The following CELF1 variants were observed in gnomAD, a reference collection of about 807,000 sequenced individuals.
CELF1 encodes 50 kDa nuclear polyadenylated RNA-binding protein.
Under a neutral mutation model 61.8 loss-of-function variants are expected in CELF1, and 10 were observed. That is an observed-to-expected ratio of 0.16 (90% CI 0.10 to 0.27). The LOEUF (loss-of-function observed/expected upper bound fraction) is 0.27. CELF1 is among the 10% of genes least tolerant of loss of function. The pLI is 1.00. For synonymous variants in CELF1, 236 were observed against 225.1 expected (o/e 1.05, Z -0.43); for missense variants, 380 against 639.1 (o/e 0.59, Z 4.37).
upstream of CELF1, among the ~76,000 whole-genome samples, chr11:47,553,654 A>G (rs535035532): frequency 3.0e-4 from 46 of 152,270 alleles, 1 homozygote; most frequent in South Asian, 9.3e-3. Context: ...TGGGATGTGA[A>G]TATGTGTGTT....
intron 3 of CELF1, among the ~76,000 whole-genome samples, chr11:47,489,621 A>G (rs1455586160): frequency 6.6e-6 from 1 of 152,180 alleles, no homozygotes; most frequent in Non-Finnish European, 1.5e-5. Flanking sequence ...TCCACCTCTT[A>G]TATTTCCAGA....
intron 2 of CELF1, 57 bp downstream of exon 2, chr11:47,500,804 G>A (rs2093801593): frequency 2.5e-6 from 1 of 397,936 alleles, no homozygotes; most frequent in Non-Finnish European, 4.4e-6. Flanking sequence ...TGTTATCTCT[G>A]AAGGCTCCCA....
chr11:47,509,619 A>AAG (rs2094892726), intron 1 of CELF1, among the ~76,000 whole-genome samples: 1 of 152,144 alleles, frequency 6.6e-6, no homozygotes. Flanking sequence ...AACAGCCAGG[A>AAG]GTGGTTCATG....
At chr11:47,556,564 AGATAAATATAGAGGAAAT>A (rs1757754801), upstream of CELF1, among the ~76,000 whole-genome samples, 1 of 152,192 alleles carries the variant, frequency 6.6e-6, no homozygotes. Flanking sequence ...ATATAATAAT[AGATAAATATAGAGGAAAT>A]GATGATAGCC....
chr11:47,557,403 A>T (rs1355724591), upstream of CELF1: 1 of 147,938 alleles, frequency 6.8e-6, no homozygotes, highest in African/African-American at 2.5e-5. Flanking sequence ...TATTTTTAGT[A>T]GAGACGGGTT....
At chr11:47,530,362 C>T (rs1293309647) in intron 1 of CELF1, among the ~76,000 whole-genome samples, 1 of 152,118 alleles carries the variant, frequency 6.6e-6, no homozygotes, top group Non-Finnish European at 1.5e-5. Context: ...CTGAACATGG[C>T]TCTCTCCCAC....
chr11:47,475,712 A>T (rs1478163432), intron 12 of CELF1, among the ~76,000 whole-genome samples, 191 bp from the exon 13 acceptor site: 1 of 152,152 alleles, frequency 6.6e-6, no homozygotes, highest in African/African-American at 2.4e-5. Flanking sequence ...GCTAATGGGG[A>T]CATTAAGAAA....
chr11:47,494,168 C>T (rs1427826320), intron 3 of CELF1, among the ~76,000 whole-genome samples: 1 of 152,184 alleles, frequency 6.6e-6, no homozygotes, highest in Non-Finnish European at 1.5e-5. Flanking sequence ...GTACTGCCAG[C>T]CCTGACCTGG....
In CELF1 at chr11:47,564,683, C is replaced by T. The variant is rs1048816344; in HGVS notation, c.-129-214G>A. On this transcript the variant is annotated intron_variant, in intron 1 of 3. Coordinates refer to the CELF1 transcript ENST00000525841. ...GCATGCACCTGTAATCCCAGCTACTCAGGAGGCTGAGGCAGGAGAATCGTT... is the reference window on the plus strand; with the variant it reads ...GCATGCACCTGTAATCCCAGCTACTTAGGAGGCTGAGGCAGGAGAATCGTT... Among the ~76,000 whole-genome samples, 10 of 151,930 alleles carry T rather than the reference C, an allele frequency of 6.6e-5. No homozygotes were observed. The South Asian group carries it at 8.3e-4, about 13-fold the overall frequency.
At chr11:47,548,641 G>A (rs112446739) in intron 1 of CELF1, among the ~76,000 whole-genome samples, 6 of 152,018 alleles carry the variant, frequency 3.9e-5, no homozygotes, top group African/African-American at 9.6e-5. Context: ...CGAGGCGGGC[G>A]GATCACCTGA....
chr11:47,518,594 T>A (rs1018766030), intron 1 of CELF1, among the ~76,000 whole-genome samples: 3 of 152,346 alleles, frequency 2.0e-5, no homozygotes, highest in Admixed American at 6.5e-5. Flanking sequence ...TTTCTCACAC[T>A]GTAATATCTT....
At chr11:47,488,522 T>C (rs2089148894) in intron 4 of CELF1, among the ~76,000 whole-genome samples, 1 of 152,192 alleles carries the variant, frequency 6.6e-6, no homozygotes, top group Non-Finnish European at 1.5e-5. Context: ...GACACTCACG[T>C]GAGTCTGTCT....
chr11:47,535,679 C>CAAAA (rs111271894), intron 1 of CELF1, among the ~76,000 whole-genome samples: 1 of 95,032 alleles, frequency 1.1e-5, no homozygotes. Context: ...AACCCCATCT[C>CAAAA]AAAAAAAAAA....
intron 1 of CELF1, among the ~76,000 whole-genome samples, chr11:47,526,420 G>C (rs185983709): frequency 1.3e-5 from 2 of 152,342 alleles, no homozygotes; most frequent in East Asian, 3.9e-4. Flanking sequence ...GAAACTCTGA[G>C]TGTGGTTTCA....
Position 47,469,555 on chromosome 11 carries a change from C to T in CELF1, c.*2675G>A, listed in dbSNP as rs1042527140. 5 of 152,308 alleles carry T rather than the reference C, an allele frequency of 3.3e-5. No individual in the cohort carries two copies. The highest frequency in any genetic ancestry group is 9.7e-5 in the African/African-American group (4 of 41,450). The allele number at this position is 152,308 out of a possible 1,614,324, so 9.4% of individuals were successfully genotyped here. ...GAGCTGAGCCCTTTCACACGTGAGACTTGTAGGGGAGCAGCTTCTTCACAA... is the reference window on the plus strand; with the variant it reads ...GAGCTGAGCCCTTTCACACGTGAGATTTGTAGGGGAGCAGCTTCTTCACAA... On this transcript the variant is annotated 3_prime_UTR_variant, in exon 15 of 15. Coordinates refer to ENST00000687097, the MANE Select transcript of CELF1 (RefSeq NM_001376376.1).
At chr11:47,531,599 G>A (rs2096479028) in intron 1 of CELF1, among the ~76,000 whole-genome samples, 1 of 149,894 alleles carries the variant, frequency 6.7e-6, no homozygotes, top group South Asian at 2.1e-4. Flanking sequence ...AGTAAGACCC[G>A]AAATATTATT....
intron 2 of CELF1, among the ~76,000 whole-genome samples, chr11:47,561,998 A>G (rs948675581): frequency 3.3e-5 from 5 of 151,940 alleles, no homozygotes; most frequent in African/African-American, 1.2e-4. Flanking sequence ...AGGCCGAGGC[A>G]GGCTGATCAC....
At chr11:47,551,090 G>A (rs2097126567) in intron 1 of CELF1, among the ~76,000 whole-genome samples, 1 of 151,350 alleles carries the variant, frequency 6.6e-6, no homozygotes, top group African/African-American at 2.4e-5. Context: ...AATTTCTAGG[G>A]CCCTCAGTTT....
At chr11:47,511,457 T>G (rs1258145382) in intron 1 of CELF1, among the ~76,000 whole-genome samples, 1 of 152,244 alleles carries the variant, frequency 6.6e-6, no homozygotes, top group African/African-American at 2.4e-5. Context: ...CAATAAATTT[T>G]TCTATCTTTA....
Sources: allele counts gnomAD v4.1 joint callset (sites outside exome capture counted in the v4.1 genomes callset), GRCh38; gene constraint gnomAD v4.1.1; transcripts MANE v1.5; gene names NCBI Gene and HGNC (gene_info 2026-07-23, HGNC 2026-07-21).